IQCJ: variants seen among roughly 807,000 people sequenced by gnomAD.
IQCJ encodes IQ domain-containing protein J.
Under a neutral mutation model 11.0 loss-of-function variants are expected in IQCJ, and 9 were observed. The ratio of observed to expected loss-of-function variants is 0.82; its 90% CI spans 0.49 to 1.43. The LOEUF (loss-of-function observed/expected upper bound fraction) is 1.43. Among genes scored for constraint, IQCJ ranks in the 40% most tolerant of loss-of-function variants. IQCJ has a pLI of 0.00. For synonymous variants in IQCJ, 55 were observed against 51.3 expected (o/e 1.07, Z -0.31); for missense variants, 146 against 133.2 (o/e 1.10, Z -0.47).
At chr3:159,247,778 T>C (rs954190895) in intron 2 of IQCJ, among the ~76,000 whole-genome samples, 1 of 152,206 alleles carries the variant, frequency 6.6e-6, no homozygotes, top group South Asian at 2.1e-4. Context: ...TTCTATGACC[T>C]GCCTTGTGGA....
At chr3:159,085,731 TG>T (rs1201260803) in intron 1 of IQCJ, among the ~76,000 whole-genome samples, 2 of 151,928 alleles carry the variant, frequency 1.3e-5, no homozygotes, top group Non-Finnish European at 2.9e-5. Flanking sequence ...GAGAAGTGTC[TG>T]TTCATGTCCT....
At chr3:159,197,860 T>C (rs574943175) in intron 1 of IQCJ, among the ~76,000 whole-genome samples, 1 of 152,148 alleles carries the variant, frequency 6.6e-6, no homozygotes, top group African/African-American at 2.4e-5. Context: ...AGCAAGAAAT[T>C]CAATTTTAAT....
rs997955531 is a variant in IQCJ, at chr3:159,263,431, T to C, written c.*700T>C. On this transcript the variant is annotated 3_prime_UTR_variant, in exon 4 of 4. Transcript: ENST00000397832. The stretch of plus-strand genomic sequence containing the variant: ...TAGAGAGTTAAGGAATAAGGGAATC[T>C]GCTGGAAGTCTTTATTTTTAAAAAA... 4 of 983,808 alleles carry C rather than the reference T, an allele frequency of 4.1e-6. No homozygotes were observed. The African/African-American group carries it at 7.0e-5, about 17-fold the overall frequency. 60.9% of individuals were successfully genotyped at this position (983,808 alleles called of 1,614,324 possible).
intron 1 of IQCJ, among the ~76,000 whole-genome samples, chr3:159,142,810 C>T (rs1400512609): frequency 6.6e-6 from 1 of 152,088 alleles, no homozygotes; most frequent in Non-Finnish European, 1.5e-5. Flanking sequence ...TTTCTCACAT[C>T]CCACTGAGTC....
At chr3:159,212,991 G>T (rs1725034468) in intron 1 of IQCJ, among the ~76,000 whole-genome samples, 1 of 152,024 alleles carries the variant, frequency 6.6e-6, no homozygotes, top group Non-Finnish European at 1.5e-5. Context: ...TTGATATTGG[G>T]TGATTTATTG....
At chr3:159,125,728 G>A (rs919192116) in intron 1 of IQCJ, among the ~76,000 whole-genome samples, 3 of 152,146 alleles carry the variant, frequency 2.0e-5, no homozygotes, top group African/African-American at 7.2e-5. Flanking sequence ...TTTTCCCTAG[G>A]GCTATCCTTG....
intron 1 of IQCJ, among the ~76,000 whole-genome samples, chr3:159,160,753 A>G (rs930410599): frequency 7.5e-6 from 1 of 132,714 alleles, no homozygotes; most frequent in Non-Finnish European, 1.5e-5. Flanking sequence ...TCATTGTTCA[A>G]TTCCCACCTA....
rs919337364 is a variant in IQCJ at position 159,092,468 on chromosome 3, G to T, written c.9+23027G>T. Among the ~76,000 whole-genome samples, 15 of 151,988 alleles carry T rather than the reference G, an allele frequency of 9.9e-5. 1 individual carries two copies. Among genetic ancestry groups the T allele is most frequent in the Admixed American group, 5.9e-4 (9 of 15,298 alleles). ...TAATCCCAGCACTTTGGGAGGCCAAGGTGGGCGGATCACGAGATCAGGAGA... is the reference window on the plus strand; with the variant it reads ...TAATCCCAGCACTTTGGGAGGCCAATGTGGGCGGATCACGAGATCAGGAGA... On this transcript the variant is annotated intron_variant, in intron 1 of 3. Transcript: ENST00000397832.
At chr3:159,117,296 A>C (rs1719088787) in intron 1 of IQCJ, among the ~76,000 whole-genome samples, 1 of 152,130 alleles carries the variant, frequency 6.6e-6, no homozygotes, top group Non-Finnish European at 1.5e-5. Flanking sequence ...GAGATGGCTT[A>C]GGAGGAAGCC....
At chr3:159,192,050 TA>T (rs1392411891) in intron 1 of IQCJ, among the ~76,000 whole-genome samples, 1 of 152,228 alleles carries the variant, frequency 6.6e-6, no homozygotes, top group Non-Finnish European at 1.5e-5. Flanking sequence ...GACAGTCCTA[TA>T]AGTTCAAGAG....
At chr3:159,225,212 A>G (rs1248897660) in intron 1 of IQCJ, among the ~76,000 whole-genome samples, 1 of 152,218 alleles carries the variant, frequency 6.6e-6, no homozygotes, top group African/African-American at 2.4e-5. Flanking sequence ...ACAACTCAAC[A>G]ATAAAAAAGG....
At chr3:159,081,217 C>T (rs1239522257) in intron 1 of IQCJ, among the ~76,000 whole-genome samples, 1 of 152,054 alleles carries the variant, frequency 6.6e-6, no homozygotes, top group East Asian at 1.9e-4. Flanking sequence ...AATACAGAGA[C>T]AGGAAAATGA....
At chr3:159,252,899 T>G in intron 3 of IQCJ, 92 bp downstream of exon 3, 1 of 1,241,258 alleles carries the variant, frequency 8.1e-7, no homozygotes, top group South Asian at 1.4e-5. Context: ...CAGTTATGCA[T>G]CTTTATTTTA....
At chr3:159,190,482 G>C (rs1723617910) in intron 1 of IQCJ, among the ~76,000 whole-genome samples, 1 of 152,206 alleles carries the variant, frequency 6.6e-6, no homozygotes, top group South Asian at 2.1e-4. Context: ...GTGAAGCTGA[G>C]GAGAGGCGCA....
intron 1 of IQCJ, among the ~76,000 whole-genome samples, chr3:159,131,315 C>T (rs1719975517): frequency 6.6e-6 from 1 of 151,998 alleles, no homozygotes; most frequent in Non-Finnish European, 1.5e-5. Context: ...CGCCTCACCC[C>T]CACCCAAGTC....
chr3:159,133,543 G>A (rs1720115908), intron 1 of IQCJ, among the ~76,000 whole-genome samples: 2 of 152,168 alleles, frequency 1.3e-5, no homozygotes, highest in East Asian at 1.9e-4. Flanking sequence ...AATGTGTGAT[G>A]TGGGTACACA....
At chr3:159,151,914 G>A (rs778998646) in intron 1 of IQCJ, among the ~76,000 whole-genome samples, 1 of 152,156 alleles carries the variant, frequency 6.6e-6, no homozygotes, top group African/African-American at 2.4e-5. Context: ...GATTACAGGC[G>A]TGAGCCATCA....
intron 1 of IQCJ, among the ~76,000 whole-genome samples, chr3:159,079,057 G>A (rs1045711281): frequency 2.0e-5 from 3 of 152,196 alleles, no homozygotes; most frequent in East Asian, 1.9e-4. Context: ...ACTTGGAGGT[G>A]ACAGCCAGGA....
At chr3:159,087,500 G>A (rs1476833181) in intron 1 of IQCJ, among the ~76,000 whole-genome samples, 1 of 151,950 alleles carries the variant, frequency 6.6e-6, no homozygotes, top group Non-Finnish European at 1.5e-5. Flanking sequence ...ATGGTACCAA[G>A]TCCTCCTTGT....
Sources: allele counts gnomAD v4.1 joint callset (sites outside exome capture counted in the v4.1 genomes callset), GRCh38; gene constraint gnomAD v4.1.1; transcripts MANE v1.5; gene names NCBI Gene and HGNC (gene_info 2026-07-23, HGNC 2026-07-21).